Variants in SEMA3E observed in about 807,000 individuals in gnomAD.
SEMA3E encodes the protein semaphorin-3E.
A neutral mutation model predicts 93.6 loss-of-function variants in SEMA3E; 49 were observed. That is an observed-to-expected ratio of 0.52 (90% CI 0.42 to 0.66). SEMA3E has a LOEUF of 0.66. SEMA3E is among the 30% of genes least tolerant of loss of function. The pLI is 0.00. For synonymous variants in SEMA3E, 363 were observed against 330.7 expected, an observed-to-expected ratio of 1.10 and a Z score of -1.06; for missense variants, 906 against 964.8, an observed-to-expected ratio of 0.94 and a Z score of 0.81.
chr7:83,368,734 G>A (rs1794711903), intron 16 of SEMA3E, among the ~76,000 whole-genome samples: 1 of 152,122 alleles, frequency 6.6e-6, no homozygotes, highest in Admixed American at 6.5e-5. Flanking sequence ...CTTTTGTCAT[G>A]TATTTGATAT....
chr7:83,568,605 T>C (rs1792211626), intron 1 of SEMA3E, among the ~76,000 whole-genome samples: 1 of 152,058 alleles, frequency 6.6e-6, no homozygotes, highest in South Asian at 2.1e-4. Context: ...ATAACATCGG[T>C]AGAATGAAGC....
At chr7:83,452,392 A>C (rs1425712029) in intron 4 of SEMA3E, among the ~76,000 whole-genome samples, 2 of 152,106 alleles carry the variant, frequency 1.3e-5, no homozygotes, top group African/African-American at 4.8e-5. Context: ...TTAGTTACAG[A>C]GTTCTGGTTC....
At chr7:83,460,053 T>A (rs556099172) in intron 4 of SEMA3E, among the ~76,000 whole-genome samples, 4 of 152,078 alleles carry the variant, frequency 2.6e-5, no homozygotes, top group Non-Finnish European at 5.9e-5. Flanking sequence ...TGCACCCAGG[T>A]GAAATAAACA....
chr7:83,442,834 T>C (rs1210994765), intron 4 of SEMA3E, among the ~76,000 whole-genome samples: 2 of 152,188 alleles, frequency 1.3e-5, no homozygotes, highest in Non-Finnish European at 2.9e-5. Context: ...GAGGAAGCAC[T>C]GCTCTGTCAG....
intron 16 of SEMA3E, among the ~76,000 whole-genome samples, chr7:83,378,746 C>A (rs955998993): frequency 6.6e-6 from 1 of 151,838 alleles, no homozygotes; most frequent in African/African-American, 2.4e-5. Flanking sequence ...CTTATTTAAG[C>A]CATACAGCTC....
At position 83,389,668 on chromosome 7, in the gene SEMA3E, C is replaced by T. The variant is rs182495867; in HGVS notation, c.1668-2618G>A. 4.4e-3 allele frequency among the ~76,000 whole-genome samples: 659 copies of T among 148,600 alleles called. 3 individuals are homozygous for T. The highest frequency in any genetic ancestry group is 7.6e-3 in the Non-Finnish European group (514 of 67,318). ...TATATATTACATGTATACATACACA[C>T]ATATACACGTATATATTACATGTAT... On this transcript the variant is annotated intron_variant, in intron 14 of 16. Coordinates refer to ENST00000643230, the MANE Select transcript of SEMA3E (RefSeq NM_012431.3).
chr7:83,564,958 TAAAG>T (rs1465917650), intron 1 of SEMA3E, among the ~76,000 whole-genome samples: 1 of 151,730 alleles, frequency 6.6e-6, no homozygotes, highest in Non-Finnish European at 1.5e-5. Flanking sequence ...GCCAGACTAA[TAAAG>T]AAGAAAAGAG....
intron 5 of SEMA3E, among the ~76,000 whole-genome samples, chr7:83,414,431 A>T (rs965964444): frequency 2.6e-5 from 4 of 152,088 alleles, no homozygotes; most frequent in Admixed American, 6.6e-5. Context: ...TTCAATTGAC[A>T]TTGACTTTTA....
rs766926184 is a variant in SEMA3E at position 83,648,743 on chromosome 7, T to C, written c.-201A>G. On this transcript the variant is annotated 5_prime_UTR_variant, in exon 1 of 17. In the 5' UTR this introduces an upstream ATG that the reference lacks. Coordinates refer to ENST00000643230, the MANE Select transcript of SEMA3E (RefSeq NM_012431.3). ...CCTTTCTTTCCTCGGGACAGTTGTT[T>C]ATAAGCCGGGAGCAAGAGGACATTC... 6 of 631,520 alleles carry C rather than the reference T, an allele frequency of 9.5e-6. No individual in the cohort carries two copies. The highest frequency in any genetic ancestry group is 1.8e-5 in the South Asian group (1 of 56,616). The allele number at this position is 631,520 out of a possible 1,614,324, so 39.1% of individuals were successfully genotyped here. A position where few individuals can be genotyped will look rare whatever the true frequency, so the allele number is the denominator to read the frequency against.
intron 1 of SEMA3E, among the ~76,000 whole-genome samples, chr7:83,638,739 G>A (rs1002988923): frequency 2.6e-5 from 4 of 152,010 alleles, no homozygotes; most frequent in African/African-American, 7.2e-5. Context: ...AGGCTTTTTT[G>A]TAGCATCCTT....
chr7:83,632,014 G>T (rs535366924), intron 1 of SEMA3E, among the ~76,000 whole-genome samples: 1 of 152,176 alleles, frequency 6.6e-6, no homozygotes, highest in Admixed American at 6.5e-5. Flanking sequence ...AATTAGCCGG[G>T]CATGGTGGTA....
intron 1 of SEMA3E, among the ~76,000 whole-genome samples, chr7:83,536,772 G>C (rs1340314777): frequency 6.6e-6 from 1 of 152,072 alleles, no homozygotes; most frequent in Non-Finnish European, 1.5e-5. Context: ...TCTTGGCGAA[G>C]AAATAATTTT....
intron 1 of SEMA3E, among the ~76,000 whole-genome samples, chr7:83,551,744 T>A (rs1329466884): frequency 6.6e-6 from 1 of 152,170 alleles, no homozygotes; most frequent in Non-Finnish European, 1.5e-5. Flanking sequence ...GAGCAGACTT[T>A]CCCAGGCTCA....
chr7:83,630,995 A>G (rs773002640), intron 1 of SEMA3E, among the ~76,000 whole-genome samples: 1 of 152,158 alleles, frequency 6.6e-6, no homozygotes, highest in Non-Finnish European at 1.5e-5. Flanking sequence ...TTTTAAGAAC[A>G]TGGGACTTTC....
At chr7:83,611,631 C>G (rs1311035079) in intron 1 of SEMA3E, among the ~76,000 whole-genome samples, 1 of 151,628 alleles carries the variant, frequency 6.6e-6, no homozygotes. Context: ...CTCCCATATC[C>G]TACAAGAATC....
chr7:83,452,790 G>A (rs1196004423), intron 4 of SEMA3E, among the ~76,000 whole-genome samples: 2 of 152,142 alleles, frequency 1.3e-5, no homozygotes, highest in Non-Finnish European at 2.9e-5. Flanking sequence ...AACCTTGGAT[G>A]TTTTAAAATC....
chr7:83,438,582 G>C (rs1212102110), intron 4 of SEMA3E, among the ~76,000 whole-genome samples: 2 of 151,978 alleles, frequency 1.3e-5, no homozygotes, highest in Non-Finnish European at 2.9e-5. Context: ...GTAGTGATAA[G>C]CATTTATTCA....
intron 1 of SEMA3E, among the ~76,000 whole-genome samples, chr7:83,507,884 G>A (rs1360298593): frequency 1.3e-5 from 2 of 152,128 alleles, no homozygotes; most frequent in Non-Finnish European, 2.9e-5. Context: ...CTGCAAGGTT[G>A]AGGCTGCAGT....
intron 1 of SEMA3E, among the ~76,000 whole-genome samples, chr7:83,506,897 T>C (rs1790715753): frequency 6.6e-6 from 1 of 152,202 alleles, no homozygotes; most frequent in Non-Finnish European, 1.5e-5. Flanking sequence ...GGTATAAAAT[T>C]AGTTCTAGAC....
Sources: gnomAD v4.1 joint callset for allele counts (sites outside exome capture counted in the v4.1 genomes callset) on GRCh38, gnomAD v4.1.1 for gene constraint, MANE v1.5 for transcripts, NCBI Gene and HGNC (gene_info 2026-07-23, HGNC 2026-07-21) for gene names.